The following SH3PXD2A variants were observed in gnomAD, a reference collection of about 807,000 sequenced individuals.
SH3PXD2A encodes the protein SH3 and PX domain-containing protein 2A.
SH3PXD2A carries 32 observed loss-of-function variants against 115.2 expected under a neutral mutation model. That is an observed-to-expected ratio of 0.28 (90% CI 0.21 to 0.37). The LOEUF is 0.37. Ranked by LOEUF, SH3PXD2A falls within the 10% of genes least tolerant of loss-of-function variation. SH3PXD2A has a pLI of 1.00. For missense variants in SH3PXD2A, 1,328 were observed against 1,498.7 expected (o/e 0.89, Z 1.88); for synonymous variants, 610 against 629.1 (o/e 0.97, Z 0.45).
intron 3 of SH3PXD2A, among the ~76,000 whole-genome samples, chr10:103,753,514 AAAAAG>A (rs1392477145): frequency 6.6e-6 from 1 of 150,568 alleles, no homozygotes; most frequent in Non-Finnish European, 1.5e-5. Context: ...AAAAAAAAAA[AAAAAG>A]AATAGTTATC....
intron 3 of SH3PXD2A, among the ~76,000 whole-genome samples, chr10:103,742,956 T>TAA (rs1564878148): frequency 1.6e-3 from 240 of 151,798 alleles, no homozygotes; most frequent in Middle Eastern, 6.8e-3. Context: ...CCTCCCCCCC[T>TAA]CAAGGGTGAC....
intron 1 of SH3PXD2A, among the ~76,000 whole-genome samples, chr10:103,852,805 C>G (rs555400545): frequency 6.6e-6 from 1 of 152,290 alleles, no homozygotes; most frequent in South Asian, 2.1e-4. Flanking sequence ...ATATACAATG[C>G]CCCAAATGGG....
rs2036186358 is a variant in SH3PXD2A, at chr10:103,599,546, T to C, written c.*2270A>G. On this transcript the variant is annotated 3_prime_UTR_variant, in exon 15 of 15. Transcript: ENST00000369774. ...TACTTTTAAATTTTATTTTAAATAGTCATAAATTACTTTTTTTCTCTTAAT... is the reference window on the plus strand; with the variant it reads ...TACTTTTAAATTTTATTTTAAATAGCCATAAATTACTTTTTTTCTCTTAAT... 6.6e-6 allele frequency: 1 copy of C among 152,572 alleles called. No individual in the cohort carries two copies. Among genetic ancestry groups the C allele is most frequent in the Admixed American group, 6.5e-5 (1 of 15,292 alleles). The allele number at this position is 152,572 out of a possible 1,614,324, so 9.5% of individuals were successfully genotyped here.
rs200136896 is a variant in SH3PXD2A at position 103,599,231 on chromosome 10, A to ATTAC, written c.*2581_*2584dup. 1 of 128,460 alleles carries ATTAC rather than the reference A, an allele frequency of 7.8e-6. No homozygotes were observed. The highest frequency in any genetic ancestry group is 3.0e-5 in the African/African-American group (1 of 33,748). The allele number at this position is 128,460 out of a possible 1,614,324, so 8.0% of individuals were successfully genotyped here. A position where few individuals can be genotyped will look rare whatever the true frequency, so the allele number is the denominator to read the frequency against. ...TTCAGTCCTGCATTTTAATGACTCT[A>ATTAC]TTACTTACAGCACTGGGGGTCAAGG... On this transcript the variant is annotated 3_prime_UTR_variant, in exon 15 of 15. Transcript: ENST00000369774.
chr10:103,721,052 A>G (rs1337896091), intron 5 of SH3PXD2A, among the ~76,000 whole-genome samples: 1 of 152,252 alleles, frequency 6.6e-6, no homozygotes, highest in Non-Finnish European at 1.5e-5. Flanking sequence ...TACCACCTCA[A>G]GAAAGAGGCA....
rs768289473 is a variant in SH3PXD2A, at chr10:103,661,022, C to A, written c.565G>T (p.Ala189Ser). 2.5e-6 allele frequency: 4 copies of A among 1,614,032 alleles called. No individual in the cohort carries two copies. Among genetic ancestry groups the A allele is most frequent in the Non-Finnish European group, 2.5e-6 (3 of 1,180,006 alleles). ...KQENSELSLQ[A>S]GEVVDVIEKN... ...TCGATGACATCCACCACCTCCCCGG[C>A]CTGGAGGCTCAGCTCCGAGTTCTCC... Residue 189 changes from alanine (A) to serine (S), a missense_variant, in exon 8 of 15, where the codon GCC becomes TCC. Physicochemically the swap from Ala to Ser is moderately conservative, Grantham distance 99. Transcript: ENST00000369774.
intron 7 of SH3PXD2A, among the ~76,000 whole-genome samples, chr10:103,663,898 C>T (rs966632489): frequency 1.3e-5 from 2 of 152,248 alleles, no homozygotes; most frequent in African/African-American, 2.4e-5. Flanking sequence ...CACATACATT[C>T]GCACGTGCAC....
At chr10:103,775,492 G>C (rs1446780057) in intron 2 of SH3PXD2A, among the ~76,000 whole-genome samples, 2 of 152,226 alleles carry the variant, frequency 1.3e-5, no homozygotes, top group African/African-American at 4.8e-5. Flanking sequence ...TCTCAGAAGA[G>C]ACATCAGAGC....
chr10:103,650,387 AGCCCCT>A (rs2037101589), intron 8 of SH3PXD2A, among the ~76,000 whole-genome samples: 1 of 152,220 alleles, frequency 6.6e-6, no homozygotes, highest in Non-Finnish European at 1.5e-5. Flanking sequence ...GCTATCCCTC[AGCCCCT>A]CAGCGCAATG....
At chr10:103,677,679 T>C (rs1051184255) in intron 6 of SH3PXD2A, among the ~76,000 whole-genome samples, 1 of 152,176 alleles carries the variant, frequency 6.6e-6, no homozygotes, top group Non-Finnish European at 1.5e-5. Flanking sequence ...GCATAGCGCA[T>C]AGTAGGTGCT....
rs573823339 is a variant in SH3PXD2A at position 103,644,202 on chromosome 10, G to A, written c.604+16781C>T. Among the ~76,000 whole-genome samples the A allele has an allele frequency of 2.0e-5, 3 of 148,962 alleles. No homozygotes were observed. In the East Asian group the frequency reaches 6.0e-4, roughly 30 times the overall value. On this transcript the variant is annotated intron_variant, in intron 8 of 14. Coordinates refer to ENST00000369774, the MANE Select transcript of SH3PXD2A (RefSeq NM_001394015.1). ...ACAAGCAAGCTCTGAGGTCTCAACT[G>A]TTTCCTTTGAAAAATGGAAACAAAG...
intron 5 of SH3PXD2A, 26 bp downstream of exon 5, chr10:103,724,244 C>T: frequency 7.2e-7 from 1 of 1,396,080 alleles, no homozygotes; most frequent in South Asian, 1.4e-5. Context: ...CCCCAGCACA[C>T]AGGAGAGGCC....
At chr10:103,649,835 C>A (rs1346690189) in intron 8 of SH3PXD2A, among the ~76,000 whole-genome samples, 1 of 152,222 alleles carries the variant, frequency 6.6e-6, no homozygotes, top group East Asian at 1.9e-4. Flanking sequence ...TCAACAGCAA[C>A]CTCACCCCCT....
At chr10:103,802,842 G>A (rs947772112) in intron 1 of SH3PXD2A, among the ~76,000 whole-genome samples, 9 of 152,256 alleles carry the variant, frequency 5.9e-5, no homozygotes, top group Middle Eastern at 3.4e-3. Context: ...TTCAGATTCC[G>A]GGGTCTCTGC....
intron 1 of SH3PXD2A, among the ~76,000 whole-genome samples, chr10:103,839,615 AAGGCCACGCAGCCCCTCCCCAG>A (rs2039578229): frequency 1.0e-5 from 1 of 96,112 alleles, no homozygotes; most frequent in East Asian, 3.0e-4. Flanking sequence ...CCCCACCCCC[AAGGCCACGCAGCCCCTCCCCAG>A]AGGCCACGCA....
chr10:103,727,846 C>A (rs1303304894), intron 4 of SH3PXD2A, among the ~76,000 whole-genome samples: 2 of 152,234 alleles, frequency 1.3e-5, no homozygotes, highest in East Asian at 3.9e-4. Flanking sequence ...AGGCTCTCAG[C>A]CCAGAGCAGC....
At chr10:103,834,778 G>A (rs2039514716) in intron 1 of SH3PXD2A, among the ~76,000 whole-genome samples, 1 of 152,190 alleles carries the variant, frequency 6.6e-6, no homozygotes, top group Non-Finnish European at 1.5e-5. Context: ...CTGAGGCCCA[G>A]GCAGATTAAG....
chr10:103,825,201 C>T (rs2039418227), intron 1 of SH3PXD2A, among the ~76,000 whole-genome samples: 1 of 152,196 alleles, frequency 6.6e-6, no homozygotes, highest in African/African-American at 2.4e-5. Flanking sequence ...CTTCTGCTGG[C>T]TCCCAAACAA....
rs530785910 is a variant in SH3PXD2A at position 103,773,306 on chromosome 10, G to T, written c.154-6137C>A. On this transcript the variant is annotated intron_variant, in intron 2 of 14. Coordinates refer to ENST00000369774, the MANE Select transcript of SH3PXD2A (RefSeq NM_001394015.1). ...CCATGCAAGATTGCGGGAAACCTCA[G>T]AATTCATTTGTTCATTCTACTTAGC... 1.4e-4 allele frequency among the ~76,000 whole-genome samples: 21 copies of T among 151,890 alleles called. No individual in the cohort carries two copies. In the South Asian group the frequency reaches 4.1e-3, roughly 30 times the overall value.
Sources: gnomAD v4.1 joint callset for allele counts (sites outside exome capture counted in the v4.1 genomes callset) on GRCh38, gnomAD v4.1.1 for gene constraint, MANE v1.5 for transcripts, NCBI Gene and HGNC (gene_info 2026-07-23, HGNC 2026-07-21) for gene names.